Variants in GRIK1 observed in about 807,000 individuals in gnomAD.
The protein encoded by GRIK1 is glutamate receptor ionotropic, kainate 1.
In GRIK1, 69 loss-of-function variants were observed where a neutral mutation model predicts 105.7. The ratio of observed to expected loss-of-function variants is 0.65; its 90% confidence interval spans 0.54 to 0.80. The LOEUF is 0.80. Ranked by LOEUF, GRIK1 falls within the 30% of genes least tolerant of loss-of-function variation. GRIK1 has a pLI of 0.00. For synonymous variants in GRIK1, 438 were observed against 431.3 expected (o/e 1.02, Z -0.19); for missense variants, 1,109 against 1,167.3 (o/e 0.95, Z 0.73).
At chr21:29,639,387 G>A (rs568298346) in intron 7 of GRIK1, among the ~76,000 whole-genome samples, 10 of 152,332 alleles carry the variant, frequency 6.6e-5, no homozygotes, top group Non-Finnish European at 8.8e-5. Flanking sequence ...AGTTGTAATG[G>A]AGGTACAAAG....
chr21:29,793,590 A>G (rs2066482143), intron 1 of GRIK1, among the ~76,000 whole-genome samples: 1 of 151,898 alleles, frequency 6.6e-6, no homozygotes, highest in Non-Finnish European at 1.5e-5. Flanking sequence ...CATGGCAGAG[A>G]AAGACAGAAA....
chr21:29,806,604 A>C (rs543222023), intron 1 of GRIK1, among the ~76,000 whole-genome samples: 4 of 152,258 alleles, frequency 2.6e-5, no homozygotes, highest in African/African-American at 7.2e-5. Context: ...ATCAATCACT[A>C]GGTAGGGGCC....
intron 1 of GRIK1, among the ~76,000 whole-genome samples, chr21:29,846,449 GA>G (rs1569154441): frequency 0.085 from 11,294 of 132,816 alleles, 717 homozygotes; most frequent in African/African-American, 0.15. Flanking sequence ...AAGAAGGAAA[GA>G]AGGAAAGAGA....
intron 1 of GRIK1, among the ~76,000 whole-genome samples, chr21:29,731,902 A>G (rs879306133): frequency 5.3e-5 from 8 of 152,096 alleles, no homozygotes; most frequent in Non-Finnish European, 1.2e-4. Flanking sequence ...CATAAATTTG[A>G]TGTTTGTTCT....
Position 29,537,371 on chromosome 21 carries a change from G to T in GRIK1, c.2709C>A (p.Asn903Lys). The T allele has an allele frequency of 1.2e-6, 2 of 1,609,726 alleles. No homozygotes were observed. Among genetic ancestry groups the T allele is most frequent in the South Asian group, 2.2e-5 (2 of 90,590 alleles). The change falls in exon 18 of 18, where the codon AAC becomes AAA. Residue 903 changes from asparagine to lysine, a missense_variant. By Grantham distance (94) the Asn-to-Lys change is moderately conservative. Around this residue, in one of 5 missense-constraint regions of GRIK1, gnomAD observed 161 missense variants for 143.4 expected, o/e 1.12. Coordinates refer to ENST00000327783, the MANE Select transcript of GRIK1 (RefSeq NM_001330994.2). ...AGATTCCCAGTTCTTCCATGATAGC[G>T]TTGAAAGAGAGACACTAGGGAACAT... Reference protein sequence around the residue: ...SLGVEKCLSFNAIMEELGISL... With the variant: ...SLGVEKCLSFKAIMEELGISL...
intron 9 of GRIK1, among the ~76,000 whole-genome samples, chr21:29,593,051 A>T (rs939981518): frequency 6.6e-6 from 1 of 152,212 alleles, no homozygotes; most frequent in Non-Finnish European, 1.5e-5. Flanking sequence ...ATTTAGCTTG[A>T]CAAATATCCC....
chr21:29,763,360 T>C (rs1983523486), intron 1 of GRIK1, among the ~76,000 whole-genome samples: 1 of 100,604 alleles, frequency 9.9e-6, no homozygotes, highest in African/African-American at 4.0e-5. Context: ...TCATTAAACC[T>C]CTTTTCTTCA....
At chr21:29,915,140 A>G (rs1156492094) in intron 1 of GRIK1, among the ~76,000 whole-genome samples, 1 of 151,956 alleles carries the variant, frequency 6.6e-6, no homozygotes, top group African/African-American at 2.4e-5. Context: ...TTTTCAATCC[A>G]TCTATTCTGT....
At chr21:29,765,841 A>G (rs915744127) in intron 1 of GRIK1, among the ~76,000 whole-genome samples, 2 of 151,254 alleles carry the variant, frequency 1.3e-5, no homozygotes, top group Non-Finnish European at 2.9e-5. Flanking sequence ...CTTAAATTTT[A>G]TCTAAGAAAA....
intron 1 of GRIK1, among the ~76,000 whole-genome samples, chr21:29,770,174 A>G (rs960015832): frequency 6.6e-6 from 1 of 152,128 alleles, no homozygotes; most frequent in East Asian, 1.9e-4. Flanking sequence ...TGGCTAGACA[A>G]CTCGCGTTTT....
intron 1 of GRIK1, among the ~76,000 whole-genome samples, chr21:29,737,187 C>T (rs562034178): frequency 6.6e-6 from 1 of 152,194 alleles, no homozygotes; most frequent in Admixed American, 6.5e-5. Flanking sequence ...AAGACCTTGC[C>T]CAGGTGGCTT....
chr21:29,895,407 T>C (rs1007281953), intron 1 of GRIK1, among the ~76,000 whole-genome samples: 1 of 152,196 alleles, frequency 6.6e-6, no homozygotes, highest in Non-Finnish European at 1.5e-5. Flanking sequence ...ACTTTCCCCC[T>C]TTGTAATGCC....
At chr21:29,831,026 AAATGCTTATGGTGAAAATCTGCTCATTT>A (rs2067619811) in intron 1 of GRIK1, among the ~76,000 whole-genome samples, 1 of 152,174 alleles carries the variant, frequency 6.6e-6, no homozygotes, top group African/African-American at 2.4e-5. Context: ...GACATTTTAA[AAATGCTTATGGTGAAAATCTGCTCATTT>A]AAGGTGTGTA....
At chr21:29,595,751 AAGAG>A (rs2061401002) in intron 9 of GRIK1, among the ~76,000 whole-genome samples, 1 of 152,146 alleles carries the variant, frequency 6.6e-6, no homozygotes, top group Non-Finnish European at 1.5e-5. Context: ...GAGGAAGAGA[AAGAG>A]AGAGAAGAGA....
chr21:29,909,214 A>T (rs1265166259), intron 1 of GRIK1, among the ~76,000 whole-genome samples: 2 of 152,064 alleles, frequency 1.3e-5, no homozygotes, highest in South Asian at 4.1e-4. Context: ...ATAATATTTA[A>T]CAGGGATCTT....
At chr21:29,845,143 G>C (rs528851886) in intron 1 of GRIK1, among the ~76,000 whole-genome samples, 37 of 151,950 alleles carry the variant, frequency 2.4e-4, no homozygotes, top group Non-Finnish European at 4.6e-4. Context: ...AACAATGGGT[G>C]CCTATCTAGA....
chr21:29,613,462 G>A (rs1287793439), intron 7 of GRIK1, among the ~76,000 whole-genome samples: 2 of 152,138 alleles, frequency 1.3e-5, no homozygotes, highest in Non-Finnish European at 2.9e-5. Flanking sequence ...AGGGCTCAAA[G>A]CTTGTCAGCT....
intron 8 of GRIK1, among the ~76,000 whole-genome samples, chr21:29,598,319 T>C (rs1233693217): frequency 2.0e-5 from 3 of 152,224 alleles, no homozygotes; most frequent in Admixed American, 6.5e-5. Flanking sequence ...ATACAGTTTT[T>C]TGGCATTTGT....
rs1164172409 is a variant in GRIK1 at position 29,642,894 on chromosome 21, T to G, written c.1030A>C (p.Ser344Arg). 3 of 1,614,058 alleles carry G rather than the reference T, an allele frequency of 1.9e-6. No homozygotes were observed. Among genetic ancestry groups the G allele is most frequent in the Non-Finnish European group, 2.5e-6 (3 of 1,179,902 alleles). The change falls in exon 7 of 18, where the codon AGC (serine) becomes CGC (arginine). Residue 344 changes from serine (S) to arginine (R), a missense_variant. Coordinates refer to ENST00000327783, the MANE Select transcript of GRIK1 (RefSeq NM_001330994.2). ...ASHRASQLTVSSLQCHRHKPW... is the reference protein window; with the variant it reads ...ASHRASQLTVRSLQCHRHKPW... ...TTATGTCTATGGCACTGCAGGGAGC[T>G]GACGGTCAGCTGGGATGCCCGGTGC...
Sources: allele counts gnomAD v4.1 joint callset (sites outside exome capture counted in the v4.1 genomes callset), GRCh38; gene constraint gnomAD v4.1.1; regional missense constraint gnomAD v4.1.1; transcripts MANE v1.5; gene names NCBI Gene and HGNC (gene_info 2026-07-23, HGNC 2026-07-21).